The following ZFAT variants were observed in gnomAD, a reference collection of about 807,000 sequenced individuals.
ZFAT encodes the protein zinc finger protein ZFAT.
A neutral mutation model predicts 117.7 loss-of-function variants in ZFAT; 64 were observed. The ratio of observed to expected loss-of-function variants is 0.54; its 90% confidence interval spans 0.44 to 0.67. ZFAT has a LOEUF of 0.67. ZFAT is among the 30% of genes least tolerant of loss of function. ZFAT has a pLI of 0.00. For synonymous variants in ZFAT, 679 were observed against 615.0 expected (o/e 1.10, Z -1.54); for missense variants, 1,433 against 1,584.5 (o/e 0.90, Z 1.62).
the ZFAT span, among the ~76,000 whole-genome samples, chr8:134,748,561 C>T: frequency 6.6e-6 from 1 of 152,098 alleles, no homozygotes; most frequent in Non-Finnish European, 1.5e-5. Context: ...TTTAGACATC[C>T]TTTTACACTT....
the ZFAT span, among the ~76,000 whole-genome samples, chr8:134,786,301 C>A: frequency 6.6e-6 from 1 of 152,172 alleles, no homozygotes; most frequent in South Asian, 2.1e-4. Flanking sequence ...TGTATTAATA[C>A]AATATCCCAT....
chr8:134,697,375 G>C (rs1017290572), intron 1 of ZFAT, among the ~76,000 whole-genome samples: 1 of 151,062 alleles, frequency 6.6e-6, no homozygotes, highest in East Asian at 2.0e-4. Flanking sequence ...GCCTCCCAAA[G>C]TGCTGGGATT....
the ZFAT span, among the ~76,000 whole-genome samples, chr8:134,819,859 C>T: frequency 1.3e-5 from 2 of 151,788 alleles, no homozygotes; most frequent in Admixed American, 1.3e-4. Context: ...CTTAGCTTCT[C>T]ACGGGGGGAA....
chr8:134,579,976 A>ACAAT (rs1177987909), intron 10 of ZFAT, among the ~76,000 whole-genome samples: 2 of 147,658 alleles, frequency 1.4e-5, no homozygotes, highest in Non-Finnish European at 3.0e-5. Context: ...AAAAAAAAGA[A>ACAAT]CAATGCCCAC....
At position 134,600,420 on chromosome 8, in the gene ZFAT, T is replaced by G. The variant is rs754862164; in HGVS notation, c.2475+16A>C. On this transcript the variant is annotated intron_variant, in intron 7 of 15. Coordinates refer to ENST00000377838, the MANE Select transcript of ZFAT (RefSeq NM_020863.4). Reference sequence around the variant, plus strand: ...ACCCAGGGGAGACGGGGCTGCCGCTTGGGCTTGCTACTTACCAGTGCTGTG... The same window carrying G: ...ACCCAGGGGAGACGGGGCTGCCGCTGGGGCTTGCTACTTACCAGTGCTGTG... 6.2e-7 allele frequency: 1 copy of G among 1,611,292 alleles called. No homozygotes were observed. The highest frequency in any genetic ancestry group is 1.1e-5 in the South Asian group (1 of 91,016).
intron 7 of ZFAT, chr8:134,598,751 A>C (rs1485728073): frequency 6.6e-6 from 1 of 152,258 alleles, no homozygotes; most frequent in Admixed American, 6.5e-5. Context: ...TTCCAAAAGG[A>C]GAAGTAGAAT....
chr8:134,825,188 A>AATTC, the ZFAT span, among the ~76,000 whole-genome samples: 1 of 152,238 alleles, frequency 6.6e-6, no homozygotes. Context: ...CCTCTCTTAC[A>AATTC]ATTCACTACT....
rs540627418 is a variant in ZFAT at position 134,478,189 on chromosome 8, G to A, written c.*293C>T. ...TCTCTGTTTGAATCTTGAAGCAAGG[G>A]GTGAAGGTGTGGGGTGTGTGTAGGG... On this transcript the variant is annotated 3_prime_UTR_variant, in exon 16 of 16. Transcript: ENST00000377838. This position sits in a 1 kb window ranked among gnomAD's most constrained non-coding sequence, Gnocchi z 5.2. The A allele has an allele frequency of 1.1e-4, 46 of 414,820 alleles. No individual in the cohort carries two copies. Among genetic ancestry groups the A allele is most frequent in the African/African-American group, 8.8e-4 (45 of 51,054 alleles). 25.7% of individuals were successfully genotyped at this position (414,820 alleles called of 1,614,324 possible).
At chr8:134,516,112 T>C (rs1367919040) in intron 13 of ZFAT, among the ~76,000 whole-genome samples, 2 of 152,206 alleles carry the variant, frequency 1.3e-5, no homozygotes, top group East Asian at 3.9e-4. Flanking sequence ...TTTCTCCCCT[T>C]GTAGTTTATT....
At chr8:134,706,397 A>G (rs1261508891) in intron 1 of ZFAT, among the ~76,000 whole-genome samples, 1 of 152,200 alleles carries the variant, frequency 6.6e-6, no homozygotes, top group African/African-American at 2.4e-5. Context: ...TGACATCAAG[A>G]CTAGTGGTTG....
chr8:134,651,971 G>GAA (rs371775525), intron 2 of ZFAT, among the ~76,000 whole-genome samples: 5 of 145,178 alleles, frequency 3.4e-5, no homozygotes, highest in African/African-American at 1.3e-4. Flanking sequence ...GTGCTGAAAT[G>GAA]AAAAAAAAAA....
At chr8:134,817,850 C>T in the ZFAT span, among the ~76,000 whole-genome samples, 1 of 152,102 alleles carries the variant, frequency 6.6e-6, no homozygotes, top group South Asian at 2.1e-4. Flanking sequence ...GGAACAAAAT[C>T]GAGTCCAAAA....
At chr8:134,503,820 C>T (rs960503190) in intron 15 of ZFAT, among the ~76,000 whole-genome samples, 14 of 152,256 alleles carry the variant, frequency 9.2e-5, no homozygotes, top group African/African-American at 3.4e-4. Flanking sequence ...TGGAGTCACA[C>T]CATTGGCTCT....
chr8:134,562,314 C>T (rs1010647836), intron 11 of ZFAT, among the ~76,000 whole-genome samples: 3 of 152,252 alleles, frequency 2.0e-5, no homozygotes. Context: ...GACTTCCAAA[C>T]TACAGAAATG....
At chr8:134,709,432 G>A (rs917255423) in intron 1 of ZFAT, among the ~76,000 whole-genome samples, 3 of 152,230 alleles carry the variant, frequency 2.0e-5, no homozygotes, top group African/African-American at 4.8e-5. Context: ...TCTGGTGAGA[G>A]GCAGATCTCT....
chr8:134,712,965 A>T lies in ZFAT; in HGVS notation c.-102T>A, dbSNP rs1814081857. ...GCGCCCTGCTGACGCTTCGCTTTTT[A>T]TTTTTATTTTTTTAAGAAAAGAGCC... On this transcript the variant is annotated 5_prime_UTR_variant, in exon 1 of 16. Transcript: ENST00000377838. 1.5e-6 allele frequency: 2 copies of T among 1,329,206 alleles called. No individual in the cohort carries two copies. Among genetic ancestry groups the T allele is most frequent in the Non-Finnish European group, 2.0e-6 (2 of 1,012,268 alleles). 82.3% of individuals were successfully genotyped at this position (1,329,206 alleles called of 1,614,324 possible). A position where few individuals can be genotyped will look rare whatever the true frequency, so the allele number is the denominator to read the frequency against.
chr8:134,735,963 C>T, the ZFAT span, among the ~76,000 whole-genome samples: 1 of 152,128 alleles, frequency 6.6e-6, no homozygotes, highest in Non-Finnish European at 1.5e-5. Flanking sequence ...ACTTTAGAAT[C>T]ATTTCAAGTG....
At chr8:134,638,982 T>A (rs905654778) in intron 2 of ZFAT, among the ~76,000 whole-genome samples, 5 of 152,164 alleles carry the variant, frequency 3.3e-5, no homozygotes, top group Non-Finnish European at 5.9e-5. Context: ...TCTGGCACCA[T>A]CTTGGGTACA....
the ZFAT span, among the ~76,000 whole-genome samples, chr8:134,810,065 TAACTA>T: frequency 6.6e-6 from 1 of 152,066 alleles, no homozygotes; most frequent in African/African-American, 2.4e-5. Context: ...TTTAGAGACT[TAACTA>T]AACACCATGA....
Sources: allele counts gnomAD v4.1 joint callset (sites outside exome capture counted in the v4.1 genomes callset), GRCh38; gene constraint gnomAD v4.1.1; non-coding constraint Gnocchi (gnomAD v3.1); transcripts MANE v1.5; gene names NCBI Gene and HGNC (gene_info 2026-07-23, HGNC 2026-07-21).